Variants in SOX6 observed in about 807,000 individuals in gnomAD.
SOX6 encodes transcription factor SOX-6.
Under a neutral mutation model 97.8 loss-of-function variants are expected in SOX6, and 11 were observed. That is an observed-to-expected ratio of 0.11 (90% CI 0.07 to 0.19). The LOEUF (loss-of-function observed/expected upper bound fraction) is 0.19. SOX6 is among the 10% of genes least tolerant of loss of function. SOX6 has a pLI of 1.00. For missense variants in SOX6, 810 were observed against 1,039.5 expected (o/e 0.78, Z 3.04); for synonymous variants, 360 against 371.4 (o/e 0.97, Z 0.35).
intron 1 of SOX6, among the ~76,000 whole-genome samples, chr11:16,410,965 G>T (rs1858797991): frequency 6.6e-6 from 1 of 150,860 alleles, no homozygotes; most frequent in Admixed American, 6.6e-5. Context: ...ACTTAGGGTA[G>T]GGGAGATAGT....
intron 4 of SOX6, among the ~76,000 whole-genome samples, chr11:16,501,258 T>C (rs530098511): frequency 6.6e-6 from 1 of 152,314 alleles, no homozygotes; most frequent in East Asian, 1.9e-4. Flanking sequence ...GCTAGCCATA[T>C]GTAGAAAGCT....
At chr11:16,282,630 T>G (rs1385537213) in intron 3 of SOX6, among the ~76,000 whole-genome samples, 1 of 151,536 alleles carries the variant, frequency 6.6e-6, no homozygotes, top group Admixed American at 6.6e-5. Flanking sequence ...CCTGAACAGT[T>G]TTTGAAAGTC....
chr11:16,136,676 T>C (rs180792913), intron 6 of SOX6, among the ~76,000 whole-genome samples: 2 of 152,274 alleles, frequency 1.3e-5, no homozygotes, highest in African/African-American at 4.8e-5. Flanking sequence ...GCTCAAGCAA[T>C]CCTCCTGCCT....
At chr11:16,132,378 GAA>G (rs1173290088) in intron 6 of SOX6, among the ~76,000 whole-genome samples, 1 of 85,148 alleles carries the variant, frequency 1.2e-5, no homozygotes, top group Admixed American at 1.5e-4. Context: ...AAGAAAGAAA[GAA>G]AGAAAGAAAG....
intron 1 of SOX6, among the ~76,000 whole-genome samples, chr11:16,464,127 G>A (rs921461457): frequency 3.9e-5 from 6 of 152,116 alleles, no homozygotes; most frequent in South Asian, 4.1e-4. Flanking sequence ...TGTTCTTAGA[G>A]AGCAAATATT....
intron 4 of SOX6, chr11:16,612,055 T>C (rs2133983050): frequency 6.5e-6 from 1 of 152,710 alleles, no homozygotes; most frequent in African/African-American, 2.4e-5. Context: ...ATCTGCATGC[T>C]GATAAGAGAA....
intron 4 of SOX6, among the ~76,000 whole-genome samples, chr11:16,543,113 G>T (rs779862652): frequency 1.9e-4 from 29 of 151,898 alleles, no homozygotes; most frequent in Non-Finnish European, 3.4e-4. Flanking sequence ...CCTACTAACA[G>T]GCCAGGCAAT....
chr11:16,568,266 T>C (rs1847898862), intron 4 of SOX6, among the ~76,000 whole-genome samples: 1 of 152,210 alleles, frequency 6.6e-6, no homozygotes, highest in African/African-American at 2.4e-5. Flanking sequence ...TAAGGGATAC[T>C]CGATCTGTAG....
chr11:16,387,190 G>C (rs1371085587), intron 1 of SOX6, among the ~76,000 whole-genome samples: 1 of 152,128 alleles, frequency 6.6e-6, no homozygotes, highest in African/African-American at 2.4e-5. Flanking sequence ...CACTTCAAAA[G>C]ACTGATTTAA....
intron 3 of SOX6, among the ~76,000 whole-genome samples, chr11:16,628,301 T>C (rs1277057162): frequency 6.6e-6 from 1 of 152,162 alleles, no homozygotes; most frequent in East Asian, 1.9e-4. Context: ...CCATATGAAC[T>C]TTAAAATAGT....
chr11:16,163,546 G>A (rs1850809872), intron 6 of SOX6, among the ~76,000 whole-genome samples: 1 of 152,096 alleles, frequency 6.6e-6, no homozygotes, highest in Non-Finnish European at 1.5e-5. Context: ...CAATATCTCA[G>A]GAAAAACAAA....
At chr11:16,041,787 T>G (rs1855676104) in intron 12 of SOX6, among the ~76,000 whole-genome samples, 1 of 152,168 alleles carries the variant, frequency 6.6e-6, no homozygotes, top group Non-Finnish European at 1.5e-5. Context: ...GGTAGCTAGT[T>G]TATACAAGTT....
intron 4 of SOX6, among the ~76,000 whole-genome samples, chr11:16,187,297 C>T (rs976497824): frequency 6.6e-6 from 1 of 152,074 alleles, no homozygotes; most frequent in African/African-American, 2.4e-5. Context: ...TATGAAAGAT[C>T]AGAAACTATA....
upstream of SOX6, among the ~76,000 whole-genome samples, chr11:16,479,917 A>G (rs1466596605): frequency 6.6e-6 from 1 of 152,138 alleles, no homozygotes; most frequent in East Asian, 1.9e-4. Context: ...ATGTATGTTC[A>G]CTACAGTTTT....
At chr11:16,103,047 G>C (rs567791599) in intron 7 of SOX6, among the ~76,000 whole-genome samples, 2 of 151,906 alleles carry the variant, frequency 1.3e-5, no homozygotes, top group Non-Finnish European at 2.9e-5. Flanking sequence ...AAACTAAAAA[G>C]CTTCTGCACA....
chr11:16,526,929 C>T (rs1424461994), intron 4 of SOX6, among the ~76,000 whole-genome samples: 1 of 152,078 alleles, frequency 6.6e-6, no homozygotes, highest in Non-Finnish European at 1.5e-5. Context: ...CTTACCCACA[C>T]CTACATGCAT....
At chr11:16,069,873 G>A (rs1045884309) in intron 9 of SOX6, among the ~76,000 whole-genome samples, 1 of 152,072 alleles carries the variant, frequency 6.6e-6, no homozygotes, top group African/African-American at 2.4e-5. Context: ...AAAAATAATT[G>A]AGGCTGGGCA....
chr11:16,346,558 A>G (rs1391175611), intron 1 of SOX6, among the ~76,000 whole-genome samples: 5 of 151,984 alleles, frequency 3.3e-5, no homozygotes, highest in Non-Finnish European at 7.4e-5. Context: ...CTCTCCCCCA[A>G]TCCACCTCCA....
At chr11:16,658,364 A>G (rs1005328971) in intron 3 of SOX6, among the ~76,000 whole-genome samples, 1 of 152,168 alleles carries the variant, frequency 6.6e-6, no homozygotes, top group South Asian at 2.1e-4. Flanking sequence ...ATAGATTTAT[A>G]TATCATTGAA....
Sources: allele counts gnomAD v4.1 joint callset (sites outside exome capture counted in the v4.1 genomes callset), GRCh38; gene constraint gnomAD v4.1.1; transcripts MANE v1.5; gene names NCBI Gene and HGNC (gene_info 2026-07-23, HGNC 2026-07-21).